Variants in CSMD1 observed in about 807,000 individuals in gnomAD.
The protein encoded by CSMD1 is CUB and sushi domain-containing protein 1.
Under a neutral mutation model 417.5 loss-of-function variants are expected in CSMD1, and 213 were observed. The observed-to-expected ratio is 0.51, with a 90% CI of 0.46 to 0.57. The LOEUF (loss-of-function observed/expected upper bound fraction) is 0.57. Among genes scored for constraint, CSMD1 ranks in the 20% least tolerant of loss-of-function variants. The pLI is 0.00. For missense variants in CSMD1, 6,923 were observed against 4,529.7 expected, an observed-to-expected ratio of 1.53 and a Z score of -15.17; for synonymous variants, 2,862 against 1,736.8, an observed-to-expected ratio of 1.65 and a Z score of -16.11.
Position 4,577,058 on chromosome 8 carries a change from C to T in CSMD1, c.302+60284G>A, listed in dbSNP as rs554295609. Among the ~76,000 whole-genome samples, 3 of 152,202 alleles carry T rather than the reference C, an allele frequency of 2.0e-5. No homozygotes were observed. The East Asian group carries it at 5.8e-4, about 30-fold the overall frequency. On this transcript the variant is annotated intron_variant, in intron 2 of 69. Transcript: ENST00000635120. ...TCTTTAATATTGCTTTGATTACGAACAGGCCAAAAATGATTATATGATAAT... is the reference window on the plus strand; with the variant it reads ...TCTTTAATATTGCTTTGATTACGAATAGGCCAAAAATGATTATATGATAAT...
intron 2 of CSMD1, among the ~76,000 whole-genome samples, chr8:4,426,088 G>GA (rs61422771): frequency 0.07 from 9,724 of 139,808 alleles, 530 homozygotes; most frequent in African/African-American, 0.16. Flanking sequence ...GAATTATTTT[G>GA]AAAAAAAAAA....
At chr8:4,377,274 C>A (rs1327389965) in intron 3 of CSMD1, among the ~76,000 whole-genome samples, 1 of 152,144 alleles carries the variant, frequency 6.6e-6, no homozygotes, top group East Asian at 1.9e-4. Flanking sequence ...ACCCCTGGGA[C>A]AGAGAGAGCA....
chr8:3,306,395 A>T (rs1444722650), intron 25 of CSMD1, among the ~76,000 whole-genome samples: 1 of 152,100 alleles, frequency 6.6e-6, no homozygotes, highest in Non-Finnish European at 1.5e-5. Flanking sequence ...GCTGATCTCG[A>T]ACTACTGATC....
intron 5 of CSMD1, among the ~76,000 whole-genome samples, chr8:3,897,660 A>C (rs1807455177): frequency 6.6e-6 from 1 of 152,128 alleles, no homozygotes; most frequent in Non-Finnish European, 1.5e-5. Flanking sequence ...CATAATCGTT[A>C]ATAATAGAAT....
At chr8:4,243,622 AAC>A (rs1802531771) in intron 3 of CSMD1, among the ~76,000 whole-genome samples, 1 of 152,194 alleles carries the variant, frequency 6.6e-6, no homozygotes, top group East Asian at 1.9e-4. Context: ...AACCACCGAA[AAC>A]ACAGAAAATT....
intron 10 of CSMD1, among the ~76,000 whole-genome samples, chr8:3,546,812 C>A (rs1798686493): frequency 6.6e-6 from 1 of 152,126 alleles, no homozygotes; most frequent in African/African-American, 2.4e-5. Flanking sequence ...TGAAGAACAT[C>A]ATTTACTTCC....
At chr8:3,382,981 T>G (rs1171024719) in intron 18 of CSMD1, among the ~76,000 whole-genome samples, 2 of 152,152 alleles carry the variant, frequency 1.3e-5, no homozygotes, top group African/African-American at 2.4e-5. Context: ...ACTTAAACGC[T>G]GTGACAAAGT....
At chr8:3,688,947 G>A (rs1020082354) in intron 7 of CSMD1, among the ~76,000 whole-genome samples, 1 of 152,080 alleles carries the variant, frequency 6.6e-6, no homozygotes, top group Non-Finnish European at 1.5e-5. Context: ...GTAATTAAAT[G>A]AATGAAATAT....
chr8:4,420,482 G>A (rs931372774), intron 2 of CSMD1, among the ~76,000 whole-genome samples: 4 of 151,696 alleles, frequency 2.6e-5, no homozygotes, highest in Admixed American at 6.6e-5. Flanking sequence ...CCATCACGTC[G>A]GTATGAAGCC....
At chr8:4,133,874 A>C (rs912403610) in intron 3 of CSMD1, among the ~76,000 whole-genome samples, 1 of 152,220 alleles carries the variant, frequency 6.6e-6, no homozygotes, top group Non-Finnish European at 1.5e-5. Flanking sequence ...TAAAGACAGG[A>C]AATTTTTTAT....
At chr8:3,304,215 T>A (rs908316792) in intron 25 of CSMD1, among the ~76,000 whole-genome samples, 2 of 152,174 alleles carry the variant, frequency 1.3e-5, no homozygotes, top group African/African-American at 4.8e-5. Context: ...AAGAGCTAAA[T>A]TAATCCCTGT....
chr8:4,450,231 G>A (rs1403365203), intron 2 of CSMD1, among the ~76,000 whole-genome samples: 1 of 152,204 alleles, frequency 6.6e-6, no homozygotes, highest in African/African-American at 2.4e-5. Flanking sequence ...GGGAGACTAA[G>A]ATGAAAGCAA....
intron 2 of CSMD1, among the ~76,000 whole-genome samples, chr8:4,441,824 A>C (rs1798501091): frequency 6.6e-6 from 1 of 152,162 alleles, no homozygotes; most frequent in Admixed American, 6.5e-5. Flanking sequence ...CAAACACTGA[A>C]GTTTGAGTAA....
At chr8:3,912,484 C>T (rs1231783687) in intron 5 of CSMD1, among the ~76,000 whole-genome samples, 2 of 152,098 alleles carry the variant, frequency 1.3e-5, no homozygotes, top group African/African-American at 4.8e-5. Context: ...TGCTCCTAGA[C>T]CCTCAAGTGA....
At chr8:3,711,807 G>A (rs1016566605) in intron 6 of CSMD1, among the ~76,000 whole-genome samples, 2 of 152,156 alleles carry the variant, frequency 1.3e-5, no homozygotes, top group African/African-American at 2.4e-5. Context: ...GAGAGGAGAT[G>A]AATGCACAAT....
intron 2 of CSMD1, among the ~76,000 whole-genome samples, chr8:4,433,361 C>G (rs138855163): frequency 6.6e-6 from 1 of 152,110 alleles, no homozygotes; most frequent in Non-Finnish European, 1.5e-5. Flanking sequence ...ATATACAACT[C>G]ATAATATCAT....
At chr8:3,157,709 G>A (rs1451200324) in intron 39 of CSMD1, among the ~76,000 whole-genome samples, 188 bp downstream of exon 39, 1 of 152,250 alleles carries the variant, frequency 6.6e-6, no homozygotes, top group Non-Finnish European at 1.5e-5. Context: ...AGACGGAGTT[G>A]CTGCATCCAG....
intron 5 of CSMD1, among the ~76,000 whole-genome samples, chr8:3,854,164 A>T (rs916689292): frequency 2.0e-5 from 3 of 146,888 alleles, no homozygotes; most frequent in Non-Finnish European, 3.0e-5. Context: ...AATAATAAAA[A>T]AAAAAAAACA....
intron 62 of CSMD1, among the ~76,000 whole-genome samples, chr8:2,958,132 G>C (rs532175807): frequency 1.3e-5 from 2 of 151,142 alleles, no homozygotes; most frequent in Non-Finnish European, 2.9e-5. Context: ...TTTTTTTCCT[G>C]CCACTCACAT....
Sources: gnomAD v4.1 joint callset for allele counts (sites outside exome capture counted in the v4.1 genomes callset) on GRCh38, gnomAD v4.1.1 for gene constraint, MANE v1.5 for transcripts, NCBI Gene and HGNC (gene_info 2026-07-23, HGNC 2026-07-21) for gene names.